Variants in RIMBP2 observed in about 807,000 individuals in gnomAD.
RIMBP2 encodes the protein RIMS-binding protein 2.
In RIMBP2, 48 loss-of-function variants were observed where a neutral mutation model predicts 118.6. The ratio of observed to expected loss-of-function variants is 0.40; its 90% CI spans 0.32 to 0.51. RIMBP2 has a LOEUF of 0.51. RIMBP2 is among the 20% of genes least tolerant of loss of function. The probability of loss-of-function intolerance (pLI) is 0.41; values close to 1 mark genes in which losing one functional copy is unlikely to be tolerated. For missense variants in RIMBP2, 1,551 were observed against 1,768.3 expected (o/e 0.88, Z 2.20); for synonymous variants, 762 against 742.9 (o/e 1.03, Z -0.42).
intron 2 of RIMBP2, among the ~76,000 whole-genome samples, chr12:130,519,300 C>A (rs1482333852): frequency 1.3e-5 from 2 of 152,190 alleles, no homozygotes; most frequent in Non-Finnish European, 2.9e-5. Context: ...TTTCAGTCAA[C>A]CTTCCTTTTT....
chr12:130,529,570 A>G (rs763770182), intron 2 of RIMBP2, among the ~76,000 whole-genome samples: 6 of 152,202 alleles, frequency 3.9e-5, no homozygotes, highest in Non-Finnish European at 7.3e-5. Context: ...TTGCAAATGT[A>G]CTAAATGCCA....
In RIMBP2 at chr12:130,511,371, A is replaced by G. The variant is rs756227986; in HGVS notation, c.-126-4601T>C. Among the ~76,000 whole-genome samples, 2 of 152,200 alleles carry G rather than the reference A, an allele frequency of 1.3e-5. No homozygotes were observed. Among genetic ancestry groups the G allele is most frequent in the Admixed American group, 6.5e-5 (1 of 15,276 alleles). ...GAATTTGTCACAGCAGCAATAGGCA[A>G]CTGATGCGGAAATCAGCTAAACAGC... On this transcript the variant is annotated intron_variant, in intron 3 of 22. Coordinates refer to ENST00000690449, the MANE Select transcript of RIMBP2 (RefSeq NM_001393629.1). The surrounding 1 kb of genome is among the most constrained non-coding windows in gnomAD (Gnocchi z 4.3).
At chr12:130,408,181 G>T (rs891855903) in intron 19 of RIMBP2, among the ~76,000 whole-genome samples, 4 of 152,202 alleles carry the variant, frequency 2.6e-5, no homozygotes, top group African/African-American at 9.7e-5. Flanking sequence ...GGCTTGGGAG[G>T]CCCTGCAGAG....
At position 130,469,447 on chromosome 12, in the gene RIMBP2, A is replaced by G. The variant is rs2080813992; in HGVS notation, c.153+1246T>C. On this transcript the variant is annotated intron_variant, in intron 6 of 22. Transcript: ENST00000690449. This position sits in a 1 kb window ranked among gnomAD's most constrained non-coding sequence, Gnocchi z 4.8. ...CAACTACCTTTTCTGCCAGGAGACG[A>G]TGCAAATTAAAGTGCGGTGGATAAC... Among the ~76,000 whole-genome samples the G allele has an allele frequency of 6.6e-6, 1 of 152,154 alleles. No individual in the cohort carries two copies. Among genetic ancestry groups the G allele is most frequent in the South Asian group, 2.1e-4 (1 of 4,822 alleles).
At chr12:130,517,448 G>C (rs1371513328) in intron 3 of RIMBP2, among the ~76,000 whole-genome samples, 1 of 152,160 alleles carries the variant, frequency 6.6e-6, no homozygotes, top group South Asian at 2.1e-4. Flanking sequence ...TGAGCAGGGA[G>C]TTAGATTCGG....
In RIMBP2 at chr12:130,688,652, C is replaced by A. The variant is rs144503770; in HGVS notation, c.-352+27570G>T. ...GCAGCAGGAGGGTGTGCTGGCCTTT[C>A]TTGGTGCCCAAGGGCAGGTGACAGG... On this transcript the variant is annotated intron_variant, in intron 1 of 22. Coordinates refer to ENST00000690449, the MANE Select transcript of RIMBP2 (RefSeq NM_001393629.1). This position sits in a 1 kb window ranked among gnomAD's most constrained non-coding sequence, Gnocchi z 4.7. Among the ~76,000 whole-genome samples, 1 of 152,248 alleles carries A rather than the reference C, an allele frequency of 6.6e-6. No homozygotes were observed. Among genetic ancestry groups the A allele is most frequent in the East Asian group, 1.9e-4 (1 of 5,142 alleles).
chr12:130,658,775 C>T (rs985422677), intron 1 of RIMBP2: 8 of 152,266 alleles, frequency 5.3e-5, no homozygotes, highest in African/African-American at 1.4e-4. Context: ...CCCGCTGAGC[C>T]TTCGTTGCTG....
At position 130,433,889 on chromosome 12, in the gene RIMBP2, G is replaced by A. The variant is rs2077321043; in HGVS notation, c.2253+845C>T. On this transcript the variant is annotated intron_variant, in intron 14 of 22. Transcript: ENST00000690449. ...TCCCTGTGATGTGGGGTAATTAAAC[G>A]ACTTTGTTGTCTTAGCCGTGATTAG... Among the ~76,000 whole-genome samples, 3 of 152,190 alleles carry A rather than the reference G, an allele frequency of 2.0e-5. No individual in the cohort carries two copies. In the South Asian group the frequency reaches 6.2e-4, roughly 32 times the overall value.
Position 130,447,902 on chromosome 12 carries a change from C to G in RIMBP2, c.581+2298G>C, listed in dbSNP as rs1374133117. ...AGCGCCCAGGTGAGCAAGAGGCTTT[C>G]GGTTTGCAGAAATGTCTAAGCAGGT... On this transcript the variant is annotated intron_variant, in intron 9 of 22. Coordinates refer to ENST00000690449, the MANE Select transcript of RIMBP2 (RefSeq NM_001393629.1). This position sits in a 1 kb window ranked among gnomAD's most constrained non-coding sequence, Gnocchi z 4.4. Among the ~76,000 whole-genome samples, 1 of 152,104 alleles carries G rather than the reference C, an allele frequency of 6.6e-6. No homozygotes were observed. The highest frequency in any genetic ancestry group is 2.4e-5 in the African/African-American group (1 of 41,406).
intron 1 of RIMBP2, among the ~76,000 whole-genome samples, chr12:130,679,172 T>C (rs1316776497): frequency 6.6e-6 from 1 of 152,222 alleles, no homozygotes; most frequent in African/African-American, 2.4e-5. Flanking sequence ...CGTGCGGACT[T>C]TTTTAGGTAA....
At chr12:130,672,788 C>T (rs1173939402) in intron 1 of RIMBP2, among the ~76,000 whole-genome samples, 1 of 152,214 alleles carries the variant, frequency 6.6e-6, no homozygotes, top group Non-Finnish European at 1.5e-5. Flanking sequence ...CTCAAGACAA[C>T]TGTCAGAAAT....
At position 130,532,423 on chromosome 12, in the gene RIMBP2, G is replaced by A. The variant is rs549081302; in HGVS notation, c.-216-14506C>T. On this transcript the variant is annotated intron_variant, in intron 2 of 22. Transcript: ENST00000690449. ...CTAGGAGTTACGTCTAATGAGATGC[G>A]TGTGTTCAGCCTCTAGGAGGGACGT... is the stretch of plus-strand genomic sequence containing the variant. Among the ~76,000 whole-genome samples the A allele has an allele frequency of 6.7e-3, 1,005 of 150,108 alleles. 3 individuals are homozygous for A. Among genetic ancestry groups the A allele is most frequent in the African/African-American group, 0.024 (952 of 40,270 alleles).
rs551908371 is a variant in RIMBP2 at position 130,621,800 on chromosome 12, T to C, written c.-217+6522A>G. On this transcript the variant is annotated intron_variant, in intron 2 of 22. Transcript: ENST00000690449. This position sits in a 1 kb window ranked among gnomAD's most constrained non-coding sequence, Gnocchi z 6.6. Reference sequence around the variant, plus strand: ...CCAAAACTCTTGCCAAACACATTTGTACTCTACCCTTTTACTGCCCTTGAA... The same window carrying C: ...CCAAAACTCTTGCCAAACACATTTGCACTCTACCCTTTTACTGCCCTTGAA... Among the ~76,000 whole-genome samples, 1 of 152,306 alleles carries C rather than the reference T, an allele frequency of 6.6e-6. No individual in the cohort carries two copies. Among genetic ancestry groups the C allele is most frequent in the Admixed American group, 6.5e-5 (1 of 15,296 alleles).
chr12:130,639,687 C>T (rs375116079), intron 1 of RIMBP2, among the ~76,000 whole-genome samples: 1 of 152,072 alleles, frequency 6.6e-6, no homozygotes, highest in Non-Finnish European at 1.5e-5. Context: ...CTGGGACTAC[C>T]GTGTCCTCTG....
At chr12:130,441,533 G>A (rs909273937) in intron 11 of RIMBP2, among the ~76,000 whole-genome samples, 3 of 152,064 alleles carry the variant, frequency 2.0e-5, no homozygotes, top group African/African-American at 7.2e-5. Context: ...TATGTGTCCA[G>A]GGGTGCATGT....
chr12:130,406,329 A>G (rs2075171608), intron 20 of RIMBP2, 86 bp from the exon 21 acceptor site: 2 of 851,544 alleles, frequency 2.3e-6, no homozygotes, highest in African/African-American at 3.4e-5. Flanking sequence ...GCTTTCCCTT[A>G]CTATTTGAGA....
chr12:130,554,811 T>C (rs1380349870), intron 2 of RIMBP2, among the ~76,000 whole-genome samples: 4 of 152,098 alleles, frequency 2.6e-5, no homozygotes, highest in Admixed American at 6.5e-5. Context: ...AATTCACTTA[T>C]GTGCCGTTCT....
At chr12:130,662,445 CAA>C (rs969860638) in intron 1 of RIMBP2, among the ~76,000 whole-genome samples, 1 of 152,082 alleles carries the variant, frequency 6.6e-6, no homozygotes, top group African/African-American at 2.4e-5. Context: ...ATGACGAGGT[CAA>C]GAGATCGAGA....
At chr12:130,477,752 G>C (rs538764261) in intron 5 of RIMBP2, among the ~76,000 whole-genome samples, 1 of 152,356 alleles carries the variant, frequency 6.6e-6, no homozygotes, top group Non-Finnish European at 1.5e-5. Context: ...CCCCAGGCTG[G>C]GTGAATGACT....
Sources: allele counts gnomAD v4.1 joint callset (sites outside exome capture counted in the v4.1 genomes callset), GRCh38; gene constraint gnomAD v4.1.1; non-coding constraint Gnocchi (gnomAD v3.1); transcripts MANE v1.5; gene names NCBI Gene and HGNC (gene_info 2026-07-23, HGNC 2026-07-21).